The following LNX1 variants were observed in gnomAD, a reference collection of about 807,000 sequenced individuals.
The protein encoded by LNX1 is E3 ubiquitin-protein ligase LNX.
A neutral mutation model predicts 68.4 loss-of-function variants in LNX1; 54 were observed. The ratio of observed to expected loss-of-function variants is 0.79; its 90% confidence interval spans 0.63 to 0.99. The LOEUF (loss-of-function observed/expected upper bound fraction) is 0.99, where lower values mean the gene tolerates loss of function less well. Among genes scored for constraint, LNX1 ranks in the 50% least tolerant of loss-of-function variants. The pLI is 0.00. For synonymous variants in LNX1, 336 were observed against 350.0 expected (o/e 0.96, Z 0.45); for missense variants, 906 against 926.4 (o/e 0.98, Z 0.29).
At chr4:53,640,212 T>A (rs1734626609) in intron 1 of LNX1, among the ~76,000 whole-genome samples, 1 of 152,178 alleles carries the variant, frequency 6.6e-6, no homozygotes, top group African/African-American at 2.4e-5. Context: ...TAGATTTACG[T>A]ATTAAAAACA....
chr4:53,533,647 G>A (rs546960190), intron 2 of LNX1, among the ~76,000 whole-genome samples: 1 of 152,144 alleles, frequency 6.6e-6, no homozygotes. Flanking sequence ...TGATCCGCCC[G>A]CCTCGGCCTC....
At chr4:53,573,414 T>G (rs1731284490) in intron 2 of LNX1, among the ~76,000 whole-genome samples, 1 of 152,202 alleles carries the variant, frequency 6.6e-6, no homozygotes, top group Admixed American at 6.5e-5. Context: ...TTTATTAGAA[T>G]TTTAAAAAAT....
At chr4:53,571,025 TAA>T (rs879847801) in intron 2 of LNX1, among the ~76,000 whole-genome samples, 20 of 131,710 alleles carry the variant, frequency 1.5e-4, no homozygotes, top group Non-Finnish European at 2.0e-4. Context: ...AGACTCCGTC[TAA>T]AAAAAAAAAA....
rs754271968 is a variant in LNX1 at position 53,498,697 on chromosome 4, G to A, written c.922C>T (p.Arg308Cys). The change falls in exon 5 of 11, where the codon CGT (arginine) becomes TGT (cysteine). Residue 308 changes from arginine to cysteine, a missense_variant. By Grantham distance (180) the Arg-to-Cys change is radical (BLOSUM62 -3). Transcript: ENST00000263925. ...LVHIIIQHIY[R>C]DGVIARDGRL... ...CCGTCTCTGGCGATCACCCCATCAC[G>A]ATAAATGTGTTGGATAATGATATGG... is the stretch of plus-strand genomic sequence containing the variant. The A allele has an allele frequency of 1.3e-5, 21 of 1,613,826 alleles. No homozygotes were observed. The highest frequency in any genetic ancestry group is 1.7e-5 in the Admixed American group (1 of 59,990).
chr4:53,481,882 A>T (rs770705157), intron 6 of LNX1, 28 bp from the exon 7 acceptor site: 12 of 1,541,828 alleles, frequency 7.8e-6, no homozygotes, highest in Non-Finnish European at 9.6e-6. Flanking sequence ...GGCATTAGCC[A>T]CTGTCAGTTT....
At chr4:53,477,197 C>T (rs944941344) in intron 8 of LNX1, among the ~76,000 whole-genome samples, 3 of 143,422 alleles carry the variant, frequency 2.1e-5, no homozygotes, top group Admixed American at 6.8e-5. Flanking sequence ...TTCTAAAGCA[C>T]AGCTATCGGT....
At chr4:53,547,899 G>A (rs1212172898) in intron 2 of LNX1, among the ~76,000 whole-genome samples, 2 of 147,572 alleles carry the variant, frequency 1.4e-5, no homozygotes, top group Non-Finnish European at 1.5e-5. Context: ...GCATGCATGT[G>A]CCTTTCCAAG....
chr4:53,485,699 C>T (rs755939303), intron 6 of LNX1, among the ~76,000 whole-genome samples: 2 of 152,170 alleles, frequency 1.3e-5, no homozygotes, highest in Admixed American at 1.3e-4. Context: ...CTTGTCCTGG[C>T]TTTAACTCCT....
At chr4:53,521,365 T>TC (rs1249582851) in intron 2 of LNX1, among the ~76,000 whole-genome samples, 1 of 152,196 alleles carries the variant, frequency 6.6e-6, no homozygotes, top group African/African-American at 2.4e-5. Context: ...CCTCCGTTCC[T>TC]CAAAGTGCAT....
At chr4:53,597,780 T>C (rs1732817692) in intron 2 of LNX1, among the ~76,000 whole-genome samples, 1 of 152,180 alleles carries the variant, frequency 6.6e-6, no homozygotes, top group African/African-American at 2.4e-5. Context: ...TATTTTGGCC[T>C]CCAAAATTAT....
In LNX1 at chr4:53,519,049, C is replaced by T. The variant is rs371580008; in HGVS notation, c.381-10822G>A. On this transcript the variant is annotated intron_variant, in intron 2 of 10. Transcript: ENST00000263925. ...TTGTCATCAGGGCCATTTATCATTG[C>T]TGCATGCCTCATAGGTCAGTGCATG... Among the ~76,000 whole-genome samples the T allele has an allele frequency of 2.8e-4, 43 of 152,264 alleles. 2 individuals carry two copies. Among genetic ancestry groups the T allele is most frequent in the African/African-American group, 9.4e-4 (39 of 41,546 alleles).
intron 1 of LNX1, among the ~76,000 whole-genome samples, chr4:53,587,723 A>C (rs1019040955): frequency 4.6e-5 from 7 of 152,218 alleles, no homozygotes; most frequent in African/African-American, 1.7e-4. Context: ...TGAGGAATTC[A>C]AATATAGAAA....
chr4:53,648,345 C>T (rs1734969294), intron 1 of LNX1, among the ~76,000 whole-genome samples: 2 of 152,128 alleles, frequency 1.3e-5, no homozygotes, highest in Non-Finnish European at 2.9e-5. Flanking sequence ...TTTTGATTTG[C>T]TTTTTCCTAA....
At position 53,468,820 on chromosome 4, in the gene LNX1, G is replaced by T. The variant is rs180884189; in HGVS notation, c.1893-7227C>A. The stretch of plus-strand genomic sequence containing the variant: ...CTAAATATATATGCACCCAATACAG[G>T]AGCACTCAGATTCATAAAGCAAGTC... On this transcript the variant is annotated intron_variant, in intron 9 of 10. Coordinates refer to ENST00000263925, the MANE Select transcript of LNX1 (RefSeq NM_001126328.3). Among the ~76,000 whole-genome samples the T allele has an allele frequency of 5.6e-3, 856 of 152,294 alleles. 4 individuals are homozygous for T. Among genetic ancestry groups the T allele is most frequent in the African/African-American group, 0.02 (816 of 41,554 alleles).
upstream of LNX1, among the ~76,000 whole-genome samples, chr4:53,592,777 G>C (rs1207279970): frequency 6.6e-6 from 1 of 152,148 alleles, no homozygotes; most frequent in Admixed American, 6.5e-5. Flanking sequence ...AAATGGGAGA[G>C]GGAAGAAAAG....
chr4:53,641,332 C>T (rs1214609123), intron 1 of LNX1, among the ~76,000 whole-genome samples: 1 of 152,262 alleles, frequency 6.6e-6, no homozygotes, highest in African/African-American at 2.4e-5. Context: ...AGGCGCTCTT[C>T]AGAGAAAGTG....
intron 2 of LNX1, among the ~76,000 whole-genome samples, chr4:53,609,610 C>T (rs1733388073): frequency 2.8e-5 from 4 of 143,560 alleles, no homozygotes; most frequent in Admixed American, 7.1e-5. Context: ...ATATGTTATA[C>T]TATATGTTAT....
intron 1 of LNX1, among the ~76,000 whole-genome samples, chr4:53,584,498 A>C (rs1362199624): frequency 2.0e-5 from 3 of 152,236 alleles, no homozygotes; most frequent in African/African-American, 4.8e-5. Flanking sequence ...TAGAGAGTGC[A>C]TGTGGCCCAG....
intron 9 of LNX1, among the ~76,000 whole-genome samples, chr4:53,467,392 A>G (rs1173842476): frequency 2.0e-5 from 3 of 152,202 alleles, no homozygotes; most frequent in Non-Finnish European, 4.4e-5. Flanking sequence ...AGATGGAGAA[A>G]AAACAGAGCA....
Sources: gnomAD v4.1 joint callset for allele counts (sites outside exome capture counted in the v4.1 genomes callset) on GRCh38, gnomAD v4.1.1 for gene constraint, MANE v1.5 for transcripts, NCBI Gene and HGNC (gene_info 2026-07-23, HGNC 2026-07-21) for gene names.